The following MEST variants were observed in gnomAD, a reference collection of about 807,000 sequenced individuals.
MEST encodes the protein mesoderm specific transcript.
MEST carries 18 observed loss-of-function variants against 50.9 expected under a neutral mutation model. The observed-to-expected ratio is 0.35, with a 90% CI of 0.24 to 0.52. MEST has a LOEUF of 0.52. Ranked by LOEUF, MEST falls within the 20% of genes least tolerant of loss-of-function variation. The probability of loss-of-function intolerance (pLI) is 0.94; values close to 1 mark genes in which losing one functional copy is unlikely to be tolerated. For missense variants in MEST, 282 were observed against 425.3 expected, an observed-to-expected ratio of 0.66 and a Z score of 2.96; for synonymous variants, 130 against 154.1, an observed-to-expected ratio of 0.84 and a Z score of 1.16.
intron 2 of MEST, chr7:130,495,777 A>ATTTTTTTT: frequency 1.5e-5 from 3 of 202,006 alleles, no homozygotes; most frequent in Middle Eastern, 1.3e-3. Context: ...TTCCAATATT[A>ATTTTTTTT]GTTTTTTTTT....
chr7:130,486,454 G>C (rs1448005581), intron 1 of MEST: 1 of 152,450 alleles, frequency 6.6e-6, no homozygotes, highest in Non-Finnish European at 1.5e-5. Context: ...GCCCGCTCCA[G>C]GAGTGGGACT....
chr7:130,504,842 TG>T, intron 11 of MEST, 96 bp from the exon 12 acceptor site: 1 of 809,598 alleles, frequency 1.2e-6, no homozygotes, highest in Non-Finnish European at 2.1e-6. Flanking sequence ...CCTTCCAGTG[TG>T]GTGTGTCCAC....
rs73724330 is a variant in MEST, at chr7:130,500,382, G to A, written c.577-80G>A. On this transcript the variant is annotated intron_variant, in intron 7 of 11. Transcript: ENST00000223215. The surrounding 1 kb of genome is among the most constrained non-coding windows in gnomAD (Gnocchi z 5.0). ...AGCAGGAGATTTGGCTAAAGATTTA[G>A]TTCCTAGTATAAAACCTTTTGCCCC... is the stretch of plus-strand genomic sequence containing the variant. 2.3e-3 allele frequency: 2,783 copies of A among 1,230,556 alleles called. 50 individuals are homozygous for A. In the African/African-American group the frequency reaches 0.037, roughly 16 times the overall value. 76.2% of individuals were successfully genotyped at this position (1,230,556 alleles called of 1,614,324 possible).
In MEST at chr7:130,492,366, T is replaced by A; in HGVS notation, c.26+27T>A. 1 of 1,292,746 alleles carries A rather than the reference T, an allele frequency of 7.7e-7. No individual in the cohort carries two copies. The highest frequency in any genetic ancestry group is 2.0e-4 in the Middle Eastern group (1 of 4,900). 80.1% of individuals were successfully genotyped at this position (1,292,746 alleles called of 1,614,324 possible). ...TGAGTGTGCGGTGGGAACGAGGGGG[T>A]GTGGCTGGCGGCCCTGGGACTAGGG... On this transcript the variant is annotated intron_variant, in intron 1 of 11. Transcript: ENST00000223215. This position sits in a 1 kb window ranked among gnomAD's most constrained non-coding sequence, Gnocchi z 7.6.
chr7:130,501,920 G>A (rs181824606), intron 9 of MEST, among the ~76,000 whole-genome samples: 6 of 152,060 alleles, frequency 3.9e-5, no homozygotes, highest in Admixed American at 6.6e-5. Flanking sequence ...CCCAGGAAGC[G>A]GAGGTTGCAG....
chr7:130,489,732 A>G (rs1463283190), upstream of MEST: 3 of 152,226 alleles, frequency 2.0e-5, no homozygotes, highest in Non-Finnish European at 2.9e-5. Flanking sequence ...CCAGACATCA[A>G]TAATGTCTGA....
chr7:130,496,308 A>AT (rs1799059093), intron 2 of MEST: 1 of 388,712 alleles, frequency 2.6e-6, no homozygotes, highest in Admixed American at 4.5e-5. Context: ...CATACAGTTT[A>AT]TTTTTTCCTT....
In MEST at chr7:130,497,950, G is replaced by C; in HGVS notation, c.276G>C (p.Leu92=). Residue 92 remains leucine, a synonymous_variant, in exon 4 of 12, where the codon CTG becomes CTC. Coordinates refer to ENST00000223215, the MANE Select transcript of MEST (RefSeq NM_002402.4). The surrounding 1 kb of genome is among the most constrained non-coding windows in gnomAD (Gnocchi z 4.0). ...CTTTCTTGTAGATTTGGGAAGGTCT[G>C]ACCTTGAGGTTTCATCGGGTGATTG... is the stretch of plus-strand genomic sequence containing the variant. The part of the protein sequence containing the change: ...SYDWYKIWEG[L]TLRFHRVIAL... 2 of 1,614,220 alleles carry C rather than the reference G, an allele frequency of 1.2e-6. No homozygotes were observed. Among genetic ancestry groups the C allele is most frequent in the South Asian group, 1.1e-5 (1 of 91,064 alleles).
At chr7:130,489,225 C>T (rs1441872226), upstream of MEST, 1 of 152,136 alleles carries the variant, frequency 6.6e-6, no homozygotes, top group Non-Finnish European at 1.5e-5. Context: ...GATCTGAGGT[C>T]TTATCATGAG....
chr7:130,488,749 T>C (rs1442408559), upstream of MEST: 2 of 152,268 alleles, frequency 1.3e-5, no homozygotes, highest in Non-Finnish European at 2.9e-5. Flanking sequence ...TGACCTTCTC[T>C]GAACACATTC....
upstream of MEST, among the ~76,000 whole-genome samples, chr7:130,491,859 A>C (rs2116222130): frequency 6.6e-6 from 1 of 152,026 alleles, no homozygotes; most frequent in East Asian, 1.9e-4. The surrounding 1 kb of genome is among the most constrained non-coding windows in gnomAD (Gnocchi z 6.8). Context: ...GCGGTTAACG[A>C]GGGAGCAGCG....
At position 130,497,456 on chromosome 7, in the gene MEST, C is replaced by A; in HGVS notation, c.261+221C>A. ...CCTGTAATCCCAGCTACTTGGGAGGCTGAGGCAGGAGAATCGCTTGAACCC... is the reference window on the plus strand; with the variant it reads ...CCTGTAATCCCAGCTACTTGGGAGGATGAGGCAGGAGAATCGCTTGAACCC... On this transcript the variant is annotated intron_variant, in intron 3 of 11. Coordinates refer to ENST00000223215, the MANE Select transcript of MEST (RefSeq NM_002402.4). The surrounding 1 kb of genome is among the most constrained non-coding windows in gnomAD (Gnocchi z 4.0). 1 of 324,900 alleles carries A rather than the reference C, an allele frequency of 3.1e-6. No individual in the cohort carries two copies. Among genetic ancestry groups the A allele is most frequent in the East Asian group, 6.2e-5 (1 of 16,062 alleles). 20.1% of individuals were successfully genotyped at this position (324,900 alleles called of 1,614,324 possible).
At chr7:130,496,064 A>T (rs1554436872) in intron 2 of MEST, 7 of 469,330 alleles carry the variant, frequency 1.5e-5, no homozygotes, top group Non-Finnish European at 3.1e-5. Context: ...GGTGCCATTA[A>T]CCTCATTTTA....
chr7:130,498,473 T>C lies in MEST; in HGVS notation c.531T>C (p.Asn177=), dbSNP rs782212199. The C allele has an allele frequency of 1.4e-5, 22 of 1,614,130 alleles. No individual in the cohort carries two copies. Among genetic ancestry groups the C allele is most frequent in the Non-Finnish European group, 1.7e-5 (20 of 1,180,000 alleles). ...RLTIKSLCLS[N]GGIFPETHRP... Reference sequence around the variant, plus strand: ...CCATAAAGAGTCTCTGTCTGTCAAATGGAGGTAATTGCCTTGGCGGTAGGT... The same window carrying C: ...CCATAAAGAGTCTCTGTCTGTCAAACGGAGGTAATTGCCTTGGCGGTAGGT... The change falls in exon 6 of 12, where the codon AAT becomes AAC. Residue 177 remains asparagine (N), a synonymous_variant. Coordinates refer to ENST00000223215, the MANE Select transcript of MEST (RefSeq NM_002402.4).
At chr7:130,494,823 A>G (rs993681472) in intron 1 of MEST, 7 of 984,988 alleles carry the variant, frequency 7.1e-6, no homozygotes, top group Non-Finnish European at 8.4e-6. Flanking sequence ...GAAAATCAGG[A>G]GTAGCTCTCT....
In MEST at chr7:130,498,098, T is replaced by C. The variant is rs1163125848; in HGVS notation, c.340-41T>C. The C allele has an allele frequency of 3.1e-5, 50 of 1,614,006 alleles. No homozygotes were observed. The East Asian group carries it at 1.0e-3, about 34-fold the overall frequency. On this transcript the variant is annotated intron_variant, in intron 4 of 11. Coordinates refer to ENST00000223215, the MANE Select transcript of MEST (RefSeq NM_002402.4). ...GTCAGGCTGGCAGAGAGAGCTGTCC[T>C]CATGACTTCATCCTGTGTATGTGGG...
chr7:130,504,862 T>C, intron 11 of MEST, 77 bp from the exon 12 acceptor site: 1 of 1,080,416 alleles, frequency 9.3e-7, no homozygotes, highest in African/African-American at 1.5e-5. Flanking sequence ...ACAGGGTCAT[T>C]TACTGGGGCT....
In MEST at chr7:130,504,919, G is replaced by T. The variant is rs781850957; in HGVS notation, c.891-20G>T. ...CCGCTCCAGCCTCAAGTTCACCTGC[G>T]TGCTGTTCTCTTCCACTAGGAAAAC... On this transcript the variant is annotated intron_variant, in intron 11 of 11. Coordinates refer to ENST00000223215, the MANE Select transcript of MEST (RefSeq NM_002402.4). The T allele has an allele frequency of 6.3e-7, 1 of 1,598,330 alleles. No homozygotes were observed. Among genetic ancestry groups the T allele is most frequent in the South Asian group, 1.1e-5 (1 of 90,764 alleles).
upstream of MEST, chr7:130,491,244 C>G (rs1489094694): frequency 1.3e-5 from 2 of 152,282 alleles, no homozygotes; most frequent in Non-Finnish European, 2.9e-5. This position sits in a 1 kb window ranked among gnomAD's most constrained non-coding sequence, Gnocchi z 6.8. Flanking sequence ...TTCTATCTTA[C>G]GTAAATAAAG....
Sources: allele counts gnomAD v4.1 joint callset (sites outside exome capture counted in the v4.1 genomes callset), GRCh38; gene constraint gnomAD v4.1.1; non-coding constraint Gnocchi (gnomAD v3.1); transcripts MANE v1.5; gene names NCBI Gene and HGNC (gene_info 2026-07-23, HGNC 2026-07-21).